Variants in HPS5 observed in about 807,000 individuals in gnomAD.
HPS5 encodes HPS5 biogenesis of lysosomal organelles complex 2 subunit 2.
HPS5 carries 83 observed loss-of-function variants against 128.0 expected under a neutral mutation model. The observed-to-expected ratio is 0.65, with a 90% CI of 0.54 to 0.78. The LOEUF is 0.78. Among genes scored for constraint, HPS5 ranks in the 30% least tolerant of loss-of-function variants. The pLI is 0.00. For synonymous variants in HPS5, 475 were observed against 470.2 expected, an observed-to-expected ratio of 1.01 and a Z score of -0.13; for missense variants, 1,281 against 1,326.2, an observed-to-expected ratio of 0.97 and a Z score of 0.53.
intron 8 of HPS5, among the ~76,000 whole-genome samples, chr11:18,302,936 A>T (rs149929623): frequency 1.1e-4 from 16 of 150,280 alleles, no homozygotes; most frequent in African/African-American, 3.9e-4. Flanking sequence ...CCTAGATTAG[A>T]TGGGGGGCTG....
At chr11:18,284,742 T>G (rs996425271) in intron 20 of HPS5, among the ~76,000 whole-genome samples, 1 of 152,202 alleles carries the variant, frequency 6.6e-6, no homozygotes, top group Non-Finnish European at 1.5e-5. Flanking sequence ...AAGACACAAG[T>G]TGCTATCTCC....
In HPS5 at chr11:18,315,282, C is replaced by T. The variant is rs777213365; in HGVS notation, c.108+2469G>A. 6.4e-4 allele frequency among the ~76,000 whole-genome samples: 98 copies of T among 152,188 alleles called. 1 individual carries two copies. Among genetic ancestry groups the T allele is most frequent in the Non-Finnish European group, 1.8e-4 (12 of 68,044 alleles). On this transcript the variant is annotated intron_variant, in intron 2 of 22. Coordinates refer to ENST00000349215, the MANE Select transcript of HPS5 (RefSeq NM_181507.2). ...CCTCTCCACCAAGCACAGAGTGGGA[C>T]TCTCTCCAGAGGAATTTCCTTATCT...
At chr11:18,308,566 G>A (rs370618588) in intron 6 of HPS5, among the ~76,000 whole-genome samples, 6 of 152,126 alleles carry the variant, frequency 3.9e-5, no homozygotes, top group South Asian at 2.1e-4. Flanking sequence ...TATAATCCAA[G>A]CCCTTTGGGA....
At position 18,305,446 on chromosome 11, in the gene HPS5, G is replaced by A; in HGVS notation, c.872C>T (p.Ser291Phe). 6.2e-7 allele frequency: 1 copy of A among 1,610,258 alleles called. No individual in the cohort carries two copies. The highest frequency in any genetic ancestry group is 8.5e-7 in the Non-Finnish European group (1 of 1,176,686). The change falls in exon 8 of 23, where the codon TCT (serine) becomes TTT (phenylalanine). Residue 291 changes from serine (S) to phenylalanine (F), a missense_variant. Transcript: ENST00000349215. ...CCTAAGATGTAAGAGTTTGGGGAAAGACAAAGACTGGGAGGATCCAGCTGT... is the reference window on the plus strand; with the variant it reads ...CCTAAGATGTAAGAGTTTGGGGAAAAACAAAGACTGGGAGGATCCAGCTGT... Reference protein sequence around the residue: ...DHTAGSSQSLSFPKLLHLSEH... With the variant: ...DHTAGSSQSLFFPKLLHLSEH...
chr11:18,314,460 CAG>C (rs1472851226), intron 2 of HPS5: 1 of 152,156 alleles, frequency 6.6e-6, no homozygotes, highest in Non-Finnish European at 1.5e-5. Flanking sequence ...ACCCGGGAGG[CAG>C]AGTTTGCAGA....
Position 18,291,853 on chromosome 11 carries a change from T to G in HPS5, c.2029A>C (p.Asn677His). The change falls in exon 16 of 23, where the codon AAT becomes CAT. Residue 677 changes from asparagine to histidine, a missense_variant. Coordinates refer to ENST00000349215, the MANE Select transcript of HPS5 (RefSeq NM_181507.2). ...TCTAATATTCCCTTTTTTGATTCATTAACTAATAGCACATCCTGGTTCAAT... is the reference window on the plus strand; with the variant it reads ...TCTAATATTCCCTTTTTTGATTCATGAACTAATAGCACATCCTGGTTCAAT... ...MKLNQDVLLV[N>H]ESKKGILDED... The G allele has an allele frequency of 6.2e-7, 1 of 1,610,730 alleles. No individual in the cohort carries two copies. Among genetic ancestry groups the G allele is most frequent in the Non-Finnish European group, 8.5e-7 (1 of 1,178,358 alleles).
Position 18,285,412 on chromosome 11 carries a change from T to A in HPS5, c.2885A>T (p.His962Leu). 6.2e-7 allele frequency: 1 copy of A among 1,613,616 alleles called. No homozygotes were observed. Among genetic ancestry groups the A allele is most frequent in the Non-Finnish European group, 8.5e-7 (1 of 1,179,664 alleles). ...LSWGYSQLIL[H>L]LIKLPADFIT... is the part of the protein sequence containing the mutation. ...AAAATCTGCAGGAAGTTTAATTAGA[T>A]GAAGGATCAGCTGACTGTAACCCCA... Residue 962 changes from histidine (H) to leucine (L), a missense_variant, in exon 20 of 23, where the codon CAT (histidine) becomes CTT (leucine). His to Leu is a moderately conservative substitution (Grantham distance 99). Coordinates refer to ENST00000349215, the MANE Select transcript of HPS5 (RefSeq NM_181507.2).
At position 18,283,790 on chromosome 11, in the gene HPS5, C is replaced by T. The variant is rs772617072; in HGVS notation, c.3058+5G>A. 1 of 1,590,166 alleles carries T rather than the reference C, an allele frequency of 6.3e-7. No homozygotes were observed. Among genetic ancestry groups the T allele is most frequent in the Non-Finnish European group, 8.6e-7 (1 of 1,158,698 alleles). ...ACCAAGAGTAACCAGTTAGGATTGA[C>T]ATACCATTGTCCCCTTCCATCAGGC... On this transcript the variant is annotated splice_donor_5th_base_variant and intron_variant, in intron 21 of 22. Transcript: ENST00000349215.
chr11:18,321,889 G>T (rs1040399685), intron 1 of HPS5, 57 bp downstream of exon 1: 7 of 152,340 alleles, frequency 4.6e-5, no homozygotes, highest in African/African-American at 1.7e-4. Context: ...GAGACACAGG[G>T]ATGAACAAAA....
In HPS5 at chr11:18,309,090, T is replaced by A. The variant is rs1302978572; in HGVS notation, c.478-11A>T. On this transcript the variant is annotated splice_polypyrimidine_tract_variant and intron_variant, in intron 5 of 22. Coordinates refer to ENST00000349215, the MANE Select transcript of HPS5 (RefSeq NM_181507.2). ...AAAAGCAGCAGCTGCCTAAAAGGAA[T>A]GTGAGAAAGAAATAAAGTTTATTTA... The A allele has an allele frequency of 6.2e-7, 1 of 1,613,068 alleles. No homozygotes were observed. Among genetic ancestry groups the A allele is most frequent in the East Asian group, 2.2e-5 (1 of 44,848 alleles).
rs2134259232 is a variant in HPS5 at position 18,288,761 on chromosome 11, G to A, written c.2441-748C>T. 2.0e-5 allele frequency among the ~76,000 whole-genome samples: 2 copies of A among 99,628 alleles called. 1 individual carries two copies. Among genetic ancestry groups the A allele is most frequent in the Middle Eastern group, 0.01 (2 of 200 alleles). The allele number at this position is 99,628 out of a possible 152,430, so 65.4% of individuals were successfully genotyped here. On this transcript the variant is annotated intron_variant, in intron 16 of 22. Transcript: ENST00000349215. ...GTGTGTGTGTGTGTGTGTGTGTGCA[G>A]CGACGGGGTCTTCCTACGTTGCCTA...
At chr11:18,307,477 A>G (rs554391466) in intron 6 of HPS5, among the ~76,000 whole-genome samples, 6 of 152,288 alleles carry the variant, frequency 3.9e-5, no homozygotes, top group Non-Finnish European at 5.9e-5. Flanking sequence ...TTCATTTTAT[A>G]TTTTCTATGG....
chr11:18,293,312 G>C (rs1043516013), intron 14 of HPS5, among the ~76,000 whole-genome samples: 14 of 152,146 alleles, frequency 9.2e-5, no homozygotes, highest in African/African-American at 3.4e-4. Context: ...GGGACTACAG[G>C]CACCCAGCAT....
chr11:18,317,178 A>AGC (rs1338598281), intron 2 of HPS5, among the ~76,000 whole-genome samples: 1 of 114,720 alleles, frequency 8.7e-6, no homozygotes, highest in Non-Finnish European at 1.8e-5. Flanking sequence ...TGGGCAACAG[A>AGC]GCGAGACTCC....
At chr11:18,307,019 A>C (rs1308128290) in intron 6 of HPS5, among the ~76,000 whole-genome samples, 1 of 152,138 alleles carries the variant, frequency 6.6e-6, no homozygotes, top group African/African-American at 2.4e-5. Context: ...CCTCCTCAGA[A>C]ACTTTCCTTG....
At chr11:18,304,979 C>A (rs576329241) in intron 8 of HPS5, among the ~76,000 whole-genome samples, 2 of 152,226 alleles carry the variant, frequency 1.3e-5, no homozygotes, top group Non-Finnish European at 2.9e-5. Context: ...ATCTTTCATG[C>A]AAGCATTTGT....
chr11:18,291,869 C>A lies in HPS5; in HGVS notation c.2013G>T (p.Gln671His). Residue 671 changes from glutamine to histidine, a missense_variant, in exon 16 of 23, where the codon CAG becomes CAT. Transcript: ENST00000349215. ...DTDNSSMKLNQDVLLVNESKK... is the reference protein window; with the variant it reads ...DTDNSSMKLNHDVLLVNESKK... Reference sequence around the variant, plus strand: ...TTGATTCATTAACTAATAGCACATCCTGGTTCAATTTCATGGATGAGTTGT... The same window carrying A: ...TTGATTCATTAACTAATAGCACATCATGGTTCAATTTCATGGATGAGTTGT... 6.2e-7 allele frequency: 1 copy of A among 1,608,002 alleles called. No individual in the cohort carries two copies. Among genetic ancestry groups the A allele is most frequent in the Non-Finnish European group, 8.5e-7 (1 of 1,176,906 alleles).
intron 5 of HPS5, among the ~76,000 whole-genome samples, 161 bp downstream of exon 5, chr11:18,310,580 G>A (rs1372276435): frequency 1.3e-5 from 2 of 152,196 alleles, no homozygotes; most frequent in South Asian, 2.1e-4. Context: ...AGGCCACCGT[G>A]TGTACTATAT....
Position 18,297,762 on chromosome 11 carries a change from C to T in HPS5, c.1165-45G>A, listed in dbSNP as rs1385848299. On this transcript the variant is annotated intron_variant, in intron 10 of 22. Transcript: ENST00000349215. ...ATGGAATAGCTATTTGTAGGTAAAT[C>T]TATATTCAAATGGCCAATATATTGA... is the stretch of plus-strand genomic sequence containing the variant. 3 of 1,576,508 alleles carry T rather than the reference C, an allele frequency of 1.9e-6. No homozygotes were observed. In the African/African-American group the frequency reaches 4.0e-5, roughly 21 times the overall value.
Sources: gnomAD v4.1 joint callset for allele counts (sites outside exome capture counted in the v4.1 genomes callset) on GRCh38, gnomAD v4.1.1 for gene constraint, MANE v1.5 for transcripts, NCBI Gene and HGNC (gene_info 2026-07-23, HGNC 2026-07-21) for gene names.